Variants in TMEM38A observed in about 807,000 individuals in gnomAD.
TMEM38A encodes the protein transmembrane protein 38A.
In TMEM38A, 17 loss-of-function variants were observed where a neutral mutation model predicts 28.6. The ratio of observed to expected loss-of-function variants is 0.60; its 90% CI spans 0.41 to 0.89. The LOEUF (loss-of-function observed/expected upper bound fraction) is 0.89. Among genes scored for constraint, TMEM38A ranks in the 40% least tolerant of loss-of-function variants. The pLI is 0.00. For missense variants in TMEM38A, 328 were observed against 393.1 expected, an observed-to-expected ratio of 0.83 and a Z score of 1.40; for synonymous variants, 169 against 166.1, an observed-to-expected ratio of 1.02 and a Z score of -0.14.
At chr19:16,678,335 A>G (rs370356687) in intron 1 of TMEM38A, among the ~76,000 whole-genome samples, 1 of 150,820 alleles carries the variant, frequency 6.6e-6, no homozygotes, top group East Asian at 2.0e-4. Flanking sequence ...TGGCTGAGGC[A>G]GGAGAATCAC....
chr19:16,667,684 G>A lies in TMEM38A; in HGVS notation c.124+6343G>A, dbSNP rs117329588. 6.7e-3 allele frequency among the ~76,000 whole-genome samples: 1,018 copies of A among 151,778 alleles called. 28 individuals carry two copies. The highest frequency in any genetic ancestry group is 0.044 in the Admixed American group (674 of 15,192). ...AGCCCGGCCAACATGGTGAAAGCCC[G>A]TCTCTACTAAGAAAAAATACAAAAA... On this transcript the variant is annotated intron_variant, in intron 1 of 5. Transcript: ENST00000187762.
At chr19:16,679,402 A>AT (rs1234110342) in intron 1 of TMEM38A, among the ~76,000 whole-genome samples, 1 of 151,536 alleles carries the variant, frequency 6.6e-6, no homozygotes, top group East Asian at 2.0e-4. Context: ...AGTTCAAGTG[A>AT]TTCTCCTGTC....
At chr19:16,687,002 A>G (rs1344019410) in intron 5 of TMEM38A, among the ~76,000 whole-genome samples, 1 of 152,196 alleles carries the variant, frequency 6.6e-6, no homozygotes, top group African/African-American at 2.4e-5. Context: ...AGGCTGCTGT[A>G]TAACAGAATG....
chr19:16,665,488 T>C (rs903312079), intron 1 of TMEM38A, among the ~76,000 whole-genome samples: 2 of 144,182 alleles, frequency 1.4e-5, no homozygotes, highest in Non-Finnish European at 3.0e-5. Context: ...AGACCCTGTC[T>C]CAAAAAAAAA....
chr19:16,674,409 G>T (rs888521666), intron 1 of TMEM38A, among the ~76,000 whole-genome samples: 13 of 137,984 alleles, frequency 9.4e-5, no homozygotes, highest in Admixed American at 4.3e-4. Context: ...AAAAAAAAAA[G>T]TTGGGGGGAT....
chr19:16,682,761 C>G (rs558027654), intron 4 of TMEM38A, among the ~76,000 whole-genome samples: 1 of 152,158 alleles, frequency 6.6e-6, no homozygotes, highest in East Asian at 1.9e-4. Flanking sequence ...AGTTCACTGG[C>G]CAAGAAGGAG....
At chr19:16,685,083 T>TAAATAAATAAATAAAA (rs1568317222) in intron 4 of TMEM38A, among the ~76,000 whole-genome samples, 5 of 149,460 alleles carry the variant, frequency 3.3e-5, no homozygotes, top group East Asian at 2.0e-4. Context: ...AATAAATAAA[T>TAAATAAATAAATAAAA]AAAACGAAAT....
Position 16,688,258 on chromosome 19 carries a change from G to C in TMEM38A, c.787G>C (p.Gly263Arg), listed in dbSNP as rs1336020954. 1 of 1,604,772 alleles carries C rather than the reference G, an allele frequency of 6.2e-7. No individual in the cohort carries two copies. The highest frequency in any genetic ancestry group is 1.1e-5 in the South Asian group (1 of 89,828). The change falls in exon 6 of 6, where the codon GGT (glycine) becomes CGT (arginine). Residue 263 changes from glycine (G) to arginine (R), a missense_variant. By Grantham distance (125) the Gly-to-Arg change is moderately radical. Transcript: ENST00000187762. ...CGGDHHHDNH[G>R]GSHSGGGPGA... ...GGGTGACCATCACCACGACAACCATGGTGGGTCCCACAGCGGTGGTGGGCC... is the reference window on the plus strand; with the variant it reads ...GGGTGACCATCACCACGACAACCATCGTGGGTCCCACAGCGGTGGTGGGCC...
intron 1 of TMEM38A, among the ~76,000 whole-genome samples, chr19:16,666,050 G>A (rs988183608): frequency 1.3e-5 from 2 of 151,238 alleles, no homozygotes; most frequent in Non-Finnish European, 3.0e-5. Context: ...GCTCGATCCC[G>A]GCTCACTGCA....
At position 16,680,398 on chromosome 19, in the gene TMEM38A, T is replaced by G. The variant is rs1270817650; in HGVS notation, c.283T>G (p.Tyr95Asp). The G allele has an allele frequency of 6.2e-7, 1 of 1,613,932 alleles. No homozygotes were observed. Among genetic ancestry groups the G allele is most frequent in the Non-Finnish European group, 8.5e-7 (1 of 1,179,968 alleles). The change falls in exon 3 of 6, where the codon TAC (tyrosine) becomes GAC (aspartate). Residue 95 changes from tyrosine to aspartate, a missense_variant and splice_region_variant. Physicochemically the swap from Tyr to Asp is radical, Grantham distance 160. Coordinates refer to ENST00000187762, the MANE Select transcript of TMEM38A (RefSeq NM_024074.4). ...CACTCACTGTTCTCTCCCCAAAAGGTACTTGATTTTCTTCTGCCCCCTGGA... is the reference window on the plus strand; with the variant it reads ...CACTCACTGTTCTCTCCCCAAAAGGGACTTGATTTTCTTCTGCCCCCTGGA... ...SSILLASAVW[Y>D]LIFFCPLDLF...
chr19:16,672,606 G>T (rs750244266), intron 1 of TMEM38A, among the ~76,000 whole-genome samples: 1 of 151,718 alleles, frequency 6.6e-6, no homozygotes, highest in Non-Finnish European at 1.5e-5. Context: ...ATGCCACCAC[G>T]CCCGGCTACT....
At chr19:16,676,720 T>C (rs2086752973) in intron 1 of TMEM38A, among the ~76,000 whole-genome samples, 1 of 151,504 alleles carries the variant, frequency 6.6e-6, no homozygotes, top group African/African-American at 2.4e-5. Flanking sequence ...TGAATAGACA[T>C]TAATACTGTA....
rs1289975374 is a variant in TMEM38A, at chr19:16,667,083, A to C, written c.124+5742A>C. Among the ~76,000 whole-genome samples the C allele has an allele frequency of 2.0e-5, 3 of 152,122 alleles. No individual in the cohort carries two copies. The East Asian group carries it at 5.8e-4, about 29-fold the overall frequency. ...CAGAAGTTCGAGACCAGCCTGGCCA[A>C]CATGGCGAAACCCTGTCTCTTCTAA... On this transcript the variant is annotated intron_variant, in intron 1 of 5. Transcript: ENST00000187762.
At chr19:16,680,211 G>C in intron 2 of TMEM38A, 71 bp downstream of exon 2, 1 of 1,569,326 alleles carries the variant, frequency 6.4e-7, no homozygotes. Context: ...AGGGAGGAGA[G>C]AGGTTGGAGG....
At position 16,661,276 on chromosome 19, in the gene TMEM38A, C is replaced by A. The variant is rs755433807; in HGVS notation, c.59C>A (p.Pro20Gln). The change falls in exon 1 of 6, where the codon CCG becomes CAG. Residue 20 changes from proline (P) to glutamine (Q), a missense_variant. Physicochemically the swap from Pro to Gln is moderately conservative, Grantham distance 76. Coordinates refer to ENST00000187762, the MANE Select transcript of TMEM38A (RefSeq NM_024074.4). This position sits in a 1 kb window ranked among gnomAD's most constrained non-coding sequence, Gnocchi z 6.5. The part of the protein sequence containing the change: ...GELALSFSRV[P>Q]LFPVFDLSYF... ...CTGGCGCTCAGCTTCTCGCGGGTGC[C>A]GCTCTTCCCCGTCTTCGACCTCAGT... The A allele has an allele frequency of 6.3e-6, 10 of 1,598,938 alleles. No homozygotes were observed. Among genetic ancestry groups the A allele is most frequent in the Non-Finnish European group, 8.5e-6 (10 of 1,173,460 alleles).
intron 4 of TMEM38A, among the ~76,000 whole-genome samples, chr19:16,685,087 A>AAATAAATAAATAAATAAATAAAT (rs1568317225): frequency 9.7e-6 from 1 of 103,284 alleles, no homozygotes; most frequent in African/African-American, 6.2e-5. Flanking sequence ...AATAAATAAA[A>AAATAAATAAATAAATAAATAAAT]CGAAATCAGC....
intron 1 of TMEM38A, among the ~76,000 whole-genome samples, chr19:16,664,543 A>G (rs2086695318): frequency 6.6e-6 from 1 of 152,234 alleles, no homozygotes; most frequent in Admixed American, 6.5e-5. Context: ...GACCAGCTAC[A>G]GAATTTGCCA....
chr19:16,664,272 C>A (rs1391358031), intron 1 of TMEM38A, among the ~76,000 whole-genome samples: 1 of 151,898 alleles, frequency 6.6e-6, no homozygotes, highest in African/African-American at 2.4e-5. Context: ...AAAAAAATAG[C>A]CAGGTGTGGT....
chr19:16,667,861 GA>G (rs112685452), intron 1 of TMEM38A, among the ~76,000 whole-genome samples: 12,660 of 127,222 alleles, frequency 0.1, 1,456 homozygotes, highest in African/African-American at 0.29. Context: ...CTCCGTCTCA[GA>G]AAAAAAAAAA....
Sources: allele counts gnomAD v4.1 joint callset (sites outside exome capture counted in the v4.1 genomes callset), GRCh38; gene constraint gnomAD v4.1.1; non-coding constraint Gnocchi (gnomAD v3.1); transcripts MANE v1.5; gene names NCBI Gene and HGNC (gene_info 2026-07-23, HGNC 2026-07-21).